CENPP: variants seen among roughly 807,000 people sequenced by gnomAD.
The protein encoded by CENPP is centromere protein P.
A neutral mutation model predicts 35.6 loss-of-function variants in CENPP; 24 were observed. The observed-to-expected ratio is 0.67, with a 90% CI of 0.49 to 0.95. CENPP has a LOEUF of 0.95. CENPP is among the 40% of genes least tolerant of loss of function. The pLI, the probability that CENPP is intolerant of heterozygous loss-of-function variation, is 0.00. For synonymous variants in CENPP, 120 were observed against 125.5 expected (o/e 0.96, Z 0.29); for missense variants, 332 against 345.3 (o/e 0.96, Z 0.31).
chr9:92,465,955 C>T (rs1264259270), intron 5 of CENPP, among the ~76,000 whole-genome samples: 1 of 151,940 alleles, frequency 6.6e-6, no homozygotes, highest in Non-Finnish European at 1.5e-5. Context: ...GCCTAAGCCT[C>T]CCGAGTAGCT....
Position 92,567,373 on chromosome 9 carries a change from G to GATAGATATATATATATATATATAT in CENPP, c.565-43938_565-43937insGATATATATATATATATATATATA, listed in dbSNP as rs1554688237. Among the ~76,000 whole-genome samples, 7 of 129,084 alleles carry GATAGATATATATATATATATATAT rather than the reference G, an allele frequency of 5.4e-5. No individual in the cohort carries two copies. In the South Asian group the frequency reaches 8.3e-4, roughly 15 times the overall value. 84.7% of individuals were successfully genotyped at this position (129,084 alleles called of 152,430 possible). On this transcript the variant is annotated intron_variant, in intron 5 of 7. Coordinates refer to ENST00000375587, the MANE Select transcript of CENPP (RefSeq NM_001012267.3). ...ATGGGGTATACAGTTACATAAGATA[G>GATAGATATATATATATATATATAT]ATATATATATATATATATATATAGA...
Position 92,457,427 on chromosome 9 carries a change from G to C in CENPP, c.564+77568G>C, listed in dbSNP as rs774669492. The C allele has an allele frequency of 2.5e-6, 4 of 1,613,776 alleles. No homozygotes were observed. In the South Asian group the frequency reaches 4.4e-5, roughly 18 times the overall value. Reference sequence around the variant, plus strand: ...TAAAGATTTCTTCATCTTTGGCACTGTTGGACAGAAGTCATTTACTCCCAC... The same window carrying C: ...TAAAGATTTCTTCATCTTTGGCACTCTTGGACAGAAGTCATTTACTCCCAC... On this transcript the variant is annotated intron_variant, in intron 5 of 7. Transcript: ENST00000375587.
chr9:92,596,704 T>C (rs1420497983), intron 5 of CENPP, among the ~76,000 whole-genome samples: 3 of 151,914 alleles, frequency 2.0e-5, no homozygotes, highest in African/African-American at 4.8e-5. Flanking sequence ...CCCCGACTTC[T>C]GTCCCCGCCA....
chr9:92,344,622 G>C (rs1232631608), intron 3 of CENPP, among the ~76,000 whole-genome samples: 4 of 151,730 alleles, frequency 2.6e-5, no homozygotes. Flanking sequence ...ATCTTGGCTC[G>C]CTGCAACCTC....
In CENPP at chr9:92,431,493, A is replaced by G. The variant is rs79237336; in HGVS notation, c.564+51634A>G. On this transcript the variant is annotated intron_variant, in intron 5 of 7. Coordinates refer to ENST00000375587, the MANE Select transcript of CENPP (RefSeq NM_001012267.3). ...GGCCTGCCTATTAAAGAGATTGAAC[A>G]TCTTTTCGAATGTTTTTCAGCCATT... Among the ~76,000 whole-genome samples the G allele has an allele frequency of 4.2e-3, 645 of 152,284 alleles. 4 individuals carry two copies. Among genetic ancestry groups the G allele is most frequent in the African/African-American group, 0.013 (557 of 41,572 alleles).
chr9:92,461,484 T>G (rs1442361083), intron 5 of CENPP, among the ~76,000 whole-genome samples: 3 of 152,340 alleles, frequency 2.0e-5, no homozygotes, highest in East Asian at 1.9e-4. Context: ...TTTTTCTCCC[T>G]CTTCTTTTGA....
intron 5 of CENPP, among the ~76,000 whole-genome samples, chr9:92,382,512 T>A (rs1344254343): frequency 6.6e-6 from 1 of 152,200 alleles, no homozygotes; most frequent in Non-Finnish European, 1.5e-5. Context: ...AGTTTTAAAT[T>A]TTGATGGAGA....
intron 5 of CENPP, among the ~76,000 whole-genome samples, chr9:92,485,564 C>T (rs185995556): frequency 4.6e-5 from 7 of 152,292 alleles, no homozygotes; most frequent in Admixed American, 3.3e-4. Flanking sequence ...TCTAAGCTCT[C>T]GTATGATTTC....
At chr9:92,414,037 A>G (rs1028733295) in intron 5 of CENPP, among the ~76,000 whole-genome samples, 20 of 152,330 alleles carry the variant, frequency 1.3e-4, no homozygotes, top group African/African-American at 4.1e-4. Context: ...GAGAAATTCT[A>G]TGAAACATTA....
chr9:92,382,721 A>ATATCCAGT (rs1361644953), intron 5 of CENPP, among the ~76,000 whole-genome samples: 1 of 151,994 alleles, frequency 6.6e-6, no homozygotes, highest in Non-Finnish European at 1.5e-5. Flanking sequence ...TTGTATATGG[A>ATATCCAGT]TATCCAGTTT....
At chr9:92,549,314 G>A (rs1016397333) in intron 5 of CENPP, among the ~76,000 whole-genome samples, 4 of 152,188 alleles carry the variant, frequency 2.6e-5, no homozygotes, top group African/African-American at 9.7e-5. Flanking sequence ...TGAGCTACTT[G>A]ATGAGGTTCC....
chr9:92,327,907 G>C (rs993491331), intron 1 of CENPP, among the ~76,000 whole-genome samples: 4 of 152,072 alleles, frequency 2.6e-5, no homozygotes, highest in African/African-American at 9.7e-5. Context: ...TTATAATTTG[G>C]TATCTTATTG....
In CENPP at chr9:92,352,467, C is replaced by CTGTGTGTGTGTGTGTG. The variant is rs61233585; in HGVS notation, c.467+6704_467+6719dup. On this transcript the variant is annotated intron_variant, in intron 4 of 7. Coordinates refer to ENST00000375587, the MANE Select transcript of CENPP (RefSeq NM_001012267.3). ...TTCTCTCAAGCCTGTTGCTTAAAGC[C>CTGTGTGTGTGTGTGTG]TGTGTGTGTGTGTGTGTGTGTGTGT... Among the ~76,000 whole-genome samples the CTGTGTGTGTGTGTGTG allele has an allele frequency of 4.9e-4, 35 of 71,338 alleles. 2 individuals carry two copies. Among genetic ancestry groups the CTGTGTGTGTGTGTGTG allele is most frequent in the African/African-American group, 1.8e-3 (18 of 10,208 alleles). 46.8% of individuals were successfully genotyped at this position (71,338 alleles called of 152,430 possible). A position where few individuals can be genotyped will look rare whatever the true frequency, so the allele number is the denominator to read the frequency against.
rs1850227245 is a variant in CENPP, at chr9:92,574,340, C to G, written c.565-36974C>G. On this transcript the variant is annotated intron_variant, in intron 5 of 7. Transcript: ENST00000375587. ...TTCTACCCCCAAAAACCTGTGAAAACAAATAAATTCAGCAAAGTAGCAGAA... is the reference window on the plus strand; with the variant it reads ...TTCTACCCCCAAAAACCTGTGAAAAGAAATAAATTCAGCAAAGTAGCAGAA... Among the ~76,000 whole-genome samples the G allele has an allele frequency of 2.6e-5, 4 of 152,000 alleles. No homozygotes were observed. In the South Asian group the frequency reaches 8.3e-4, roughly 32 times the overall value.
At chr9:92,597,338 T>C (rs1303439669) in intron 5 of CENPP, among the ~76,000 whole-genome samples, 2 of 152,170 alleles carry the variant, frequency 1.3e-5, no homozygotes, top group Admixed American at 6.5e-5. Flanking sequence ...GGGAGTGATT[T>C]GTCTTGTGAA....
chr9:92,489,455 C>T (rs1289815527), intron 5 of CENPP, among the ~76,000 whole-genome samples: 1 of 152,142 alleles, frequency 6.6e-6, no homozygotes, highest in Non-Finnish European at 1.5e-5. Context: ...GCGGTTATTT[C>T]TAAGGGAAGA....
At chr9:92,470,799 A>G (rs745900506) in intron 5 of CENPP, 7 of 1,347,656 alleles carry the variant, frequency 5.2e-6, no homozygotes, top group Admixed American at 4.1e-5. Context: ...AGAAACAAAC[A>G]TATTATATAA....
intron 4 of CENPP, among the ~76,000 whole-genome samples, chr9:92,376,917 C>T (rs888597026): frequency 3.9e-5 from 6 of 152,156 alleles, no homozygotes; most frequent in Admixed American, 1.3e-4. Flanking sequence ...TCATGGCGCA[C>T]GCCTGTAATC....
intron 4 of CENPP, among the ~76,000 whole-genome samples, chr9:92,351,311 C>T (rs1317309637): frequency 6.6e-6 from 1 of 151,946 alleles, no homozygotes; most frequent in African/African-American, 2.4e-5. Flanking sequence ...GAAACCCTGT[C>T]TCTACTAAAA....
Sources: gnomAD v4.1 joint callset for allele counts (sites outside exome capture counted in the v4.1 genomes callset) on GRCh38, gnomAD v4.1.1 for gene constraint, MANE v1.5 for transcripts, NCBI Gene and HGNC (gene_info 2026-07-23, HGNC 2026-07-21) for gene names.